Variants in ATP2C1 observed in about 807,000 individuals in gnomAD.
The protein encoded by ATP2C1 is calcium-transporting ATPase type 2C member 1.
ATP2C1 carries 31 observed loss-of-function variants against 120.5 expected under a neutral mutation model. That is an observed-to-expected ratio of 0.26 (90% CI 0.19 to 0.35). ATP2C1 has a LOEUF of 0.35. Ranked by LOEUF, ATP2C1 falls within the 10% of genes least tolerant of loss-of-function variation. ATP2C1 has a pLI of 1.00. For missense variants in ATP2C1, 731 were observed against 1,107.5 expected (o/e 0.66, Z 4.83); for synonymous variants, 351 against 358.7 (o/e 0.98, Z 0.24).
intron 26 of ATP2C1, among the ~76,000 whole-genome samples, chr3:131,011,945 C>T (rs2063329842): frequency 6.6e-6 from 1 of 152,162 alleles, no homozygotes; most frequent in Non-Finnish European, 1.5e-5. Flanking sequence ...AGAAGATATA[C>T]ACCAGAGTAG....
intron 3 of ATP2C1, among the ~76,000 whole-genome samples, chr3:130,930,734 A>G (rs2059415481): frequency 6.6e-6 from 1 of 152,190 alleles, no homozygotes; most frequent in Non-Finnish European, 1.5e-5. Context: ...ATGACTTGAA[A>G]TGTGGCTAGT....
chr3:131,003,128 A>C lies in ATP2C1; in HGVS notation c.*1778A>C, dbSNP rs2062970575. 6.1e-6 allele frequency: 6 copies of C among 983,054 alleles called. No individual in the cohort carries two copies. Among genetic ancestry groups the C allele is most frequent in the African/African-American group, 1.7e-5 (1 of 57,190 alleles). 60.9% of individuals were successfully genotyped at this position (983,054 alleles called of 1,614,324 possible). A position where few individuals can be genotyped will look rare whatever the true frequency, so the allele number is the denominator to read the frequency against. On this transcript the variant is annotated 3_prime_UTR_variant, in exon 28 of 28. Transcript: ENST00000510168. Reference sequence around the variant, plus strand: ...CATTCATTTGCTTTGTACTATAAAAATAAAAATGATTTCTTAAGTTAATGA... The same window carrying C: ...CATTCATTTGCTTTGTACTATAAAACTAAAAATGATTTCTTAAGTTAATGA...
chr3:130,996,132 T>C, intron 23 of ATP2C1, 21 bp downstream of exon 23: 1 of 1,525,154 alleles, frequency 6.6e-7, no homozygotes, highest in Non-Finnish European at 9.1e-7. Context: ...AAGAAATTTG[T>C]CACCATGGGT....
intron 2 of ATP2C1, among the ~76,000 whole-genome samples, chr3:130,899,200 A>G (rs1331326419): frequency 6.6e-6 from 1 of 152,152 alleles, no homozygotes; most frequent in Non-Finnish European, 1.5e-5. Flanking sequence ...TGACCCTTGA[A>G]CAATGTGGGG....
chr3:130,932,821 G>A (rs1048381868), intron 4 of ATP2C1, among the ~76,000 whole-genome samples: 10 of 151,900 alleles, frequency 6.6e-5, no homozygotes, highest in African/African-American at 2.4e-4. Context: ...TTTAACCTGC[G>A]GTCTTTCTAA....
At chr3:130,912,023 T>C (rs1336360398) in intron 2 of ATP2C1, among the ~76,000 whole-genome samples, 3 of 101,306 alleles carry the variant, frequency 3.0e-5, no homozygotes, top group African/African-American at 1.2e-4. Context: ...ATTTAATAAA[T>C]GGTGCTGGGA....
rs1370238772 is a variant in ATP2C1 at position 130,964,929 on chromosome 3, T to C, written c.1025-19T>C. 1.3e-6 allele frequency: 2 copies of C among 1,577,868 alleles called. No individual in the cohort carries two copies. Among genetic ancestry groups the C allele is most frequent in the African/African-American group, 2.7e-5 (2 of 74,046 alleles). On this transcript the variant is annotated intron_variant, in intron 13 of 27. Coordinates refer to ENST00000510168, the MANE Select transcript of ATP2C1 (RefSeq NM_001378687.1). ...TCTCCTTGATTCTTTTGGTGACTTG[T>C]AATGATTTAATTCTTTAGGCTGCTG...
chr3:130,876,271 T>C (rs537683294), intron 1 of ATP2C1, among the ~76,000 whole-genome samples: 1 of 152,260 alleles, frequency 6.6e-6, no homozygotes, highest in Non-Finnish European at 1.5e-5. Flanking sequence ...TTACATTTAA[T>C]TATTTAATCC....
At chr3:130,972,789 T>C (rs1267675903) in intron 17 of ATP2C1, among the ~76,000 whole-genome samples, 2 of 151,750 alleles carry the variant, frequency 1.3e-5, no homozygotes, top group African/African-American at 4.8e-5. Context: ...ACAAAGGACA[T>C]GAACTCATCA....
chr3:131,011,168 G>C (rs910223801), intron 26 of ATP2C1, among the ~76,000 whole-genome samples: 1 of 152,134 alleles, frequency 6.6e-6, no homozygotes, highest in Admixed American at 6.5e-5. Context: ...AGGTTAATTT[G>C]AATTCTTTCC....
chr3:130,862,480 T>C (rs192332557), intron 1 of ATP2C1, among the ~76,000 whole-genome samples: 141 of 152,216 alleles, frequency 9.3e-4, no homozygotes, highest in African/African-American at 3.2e-3. Context: ...CGCACTTGGC[T>C]GATTTTTTAA....
At chr3:131,016,171 G>A (rs1229327103) in exon 27 of ATP2C1, 4 of 1,614,036 alleles carry the variant, frequency 2.5e-6, no homozygotes, top group Non-Finnish European at 3.4e-6. Context: ...TGGGAGAGGA[G>A]TGGACAGCAG....
In ATP2C1 at chr3:130,941,751, A is replaced by C. The variant is rs778454468; in HGVS notation, c.531+52A>C. 8.9e-6 allele frequency: 12 copies of C among 1,355,172 alleles called. No homozygotes were observed. In the South Asian group the frequency reaches 1.3e-4, roughly 14 times the overall value. The allele number at this position is 1,355,172 out of a possible 1,614,324, so 83.9% of individuals were successfully genotyped here. On this transcript the variant is annotated intron_variant, in intron 8 of 27. Coordinates refer to ENST00000510168, the MANE Select transcript of ATP2C1 (RefSeq NM_001378687.1). ...GTGAAAATACGTGGATGTAGATTAA[A>C]GGATAAACATTACTAGTTTTAAGGA...
rs909423585 is a variant in ATP2C1, at chr3:130,925,331, G to A, written c.7-5085G>A. On this transcript the variant is annotated intron_variant, in intron 2 of 27. Coordinates refer to ENST00000510168, the MANE Select transcript of ATP2C1 (RefSeq NM_001378687.1). ...GGCTTCCTGAGTGCCAAACTGTAGT[G>A]ATTGTTTTTGCTCTTCTGGGTCTAG... is the stretch of plus-strand genomic sequence containing the variant. Among the ~76,000 whole-genome samples, 57 of 152,156 alleles carry A rather than the reference G, an allele frequency of 3.7e-4. 1 individual carries two copies. The highest frequency in any genetic ancestry group is 1.3e-3 in the African/African-American group (55 of 41,442).
At chr3:130,906,931 TAA>T (rs1400189997) in intron 2 of ATP2C1, among the ~76,000 whole-genome samples, 5 of 152,206 alleles carry the variant, frequency 3.3e-5, no homozygotes, top group East Asian at 1.9e-4. Flanking sequence ...GATTTTGCGA[TAA>T]GTTAGTTTTG....
At chr3:130,977,700 A>C (rs2108759959) in intron 18 of ATP2C1, among the ~76,000 whole-genome samples, 1 of 152,184 alleles carries the variant, frequency 6.6e-6, no homozygotes. Flanking sequence ...TAGAGGGGAA[A>C]GTTTTTGTTG....
intron 8 of ATP2C1, among the ~76,000 whole-genome samples, chr3:130,947,844 A>C (rs778078063): frequency 4.6e-5 from 7 of 150,800 alleles, no homozygotes; most frequent in Non-Finnish European, 8.9e-5. Flanking sequence ...TTTTCTGTGC[A>C]TACTGTTTAC....
At chr3:130,906,386 C>T (rs1015956285) in intron 2 of ATP2C1, among the ~76,000 whole-genome samples, 5 of 151,944 alleles carry the variant, frequency 3.3e-5, no homozygotes, top group Admixed American at 6.6e-5. Flanking sequence ...TTTCTTTTTG[C>T]GATGAAATAA....
chr3:130,913,197 GTAAC>G (rs1248083593), intron 2 of ATP2C1, among the ~76,000 whole-genome samples: 1 of 150,620 alleles, frequency 6.6e-6, no homozygotes, highest in African/African-American at 2.5e-5. Flanking sequence ...GTATACATAT[GTAAC>G]TAACCTGCAC....
Sources: gnomAD v4.1 joint callset for allele counts (sites outside exome capture counted in the v4.1 genomes callset) on GRCh38, gnomAD v4.1.1 for gene constraint, MANE v1.5 for transcripts, NCBI Gene and HGNC (gene_info 2026-07-23, HGNC 2026-07-21) for gene names.